FGGY: variants seen among roughly 807,000 people sequenced by gnomAD.
The protein encoded by FGGY is FGGY carbohydrate kinase domain-containing protein.
In FGGY, 72 loss-of-function variants were observed where a neutral mutation model predicts 71.3. The ratio of observed to expected loss-of-function variants is 1.01; its 90% CI spans 0.84 to 1.23. The LOEUF (loss-of-function observed/expected upper bound fraction) is 1.23. FGGY is among the 50% of genes most tolerant of loss of function. The pLI, the probability that FGGY is intolerant of heterozygous loss-of-function variation, is 0.00. For synonymous variants in FGGY, 251 were observed against 250.3 expected, an observed-to-expected ratio of 1.00 and a Z score of -0.02; for missense variants, 668 against 682.3, an observed-to-expected ratio of 0.98 and a Z score of 0.23.
chr1:59,372,033 G>A (rs1435870245), intron 4 of FGGY, among the ~76,000 whole-genome samples: 1 of 152,104 alleles, frequency 6.6e-6, no homozygotes, highest in African/African-American at 2.4e-5. Flanking sequence ...TCAAAAGCTA[G>A]CAGAAGGCGA....
chr1:59,695,349 G>A (rs2097647952), intron 14 of FGGY, among the ~76,000 whole-genome samples: 1 of 152,186 alleles, frequency 6.6e-6, no homozygotes, highest in African/African-American at 2.4e-5. Context: ...GAGTTTCCCA[G>A]GGAAAATAAC....
chr1:59,457,445 A>C (rs1465549800), intron 6 of FGGY, among the ~76,000 whole-genome samples: 1 of 152,166 alleles, frequency 6.6e-6, no homozygotes, highest in Non-Finnish European at 1.5e-5. Flanking sequence ...CCCCATTTCT[A>C]CAAGAAAAAT....
Position 59,489,534 on chromosome 1 carries a change from C to A in FGGY, c.671-22777C>A, listed in dbSNP as rs185017666. Among the ~76,000 whole-genome samples the A allele has an allele frequency of 1.1e-3, 163 of 152,252 alleles. 1 individual carries two copies. Among genetic ancestry groups the A allele is most frequent in the East Asian group, 1.9e-3 (10 of 5,188 alleles). On this transcript the variant is annotated intron_variant, in intron 6 of 15. Coordinates refer to ENST00000303721, the MANE Select transcript of FGGY (RefSeq NM_018291.5). ...TCCTCCATTTCCATCCATATTGCTA[C>A]AAATGACAGGATTTTGTTGTTTTTT...
intron 11 of FGGY, among the ~76,000 whole-genome samples, chr1:59,647,412 G>C (rs528546454): frequency 6.6e-6 from 1 of 152,214 alleles, no homozygotes; most frequent in African/African-American, 2.4e-5. Flanking sequence ...ATGAGGGGCA[G>C]TGTCCATCCA....
Position 59,591,318 on chromosome 1 carries a change from T to G in FGGY, c.904-16485T>G, listed in dbSNP as rs138138944. 6.8e-3 allele frequency among the ~76,000 whole-genome samples: 1,035 copies of G among 152,332 alleles called. 6 individuals carry two copies. Among genetic ancestry groups the G allele is most frequent in the African/African-American group, 0.017 (716 of 41,580 alleles). On this transcript the variant is annotated intron_variant, in intron 8 of 15. Transcript: ENST00000303721. ...TATAAACAAATGGAAGAACATTCCA[T>G]GCTCATGGGTAGGAAGAATCAGTAT...
At position 59,346,148 on chromosome 1, in the gene FGGY, A is replaced by T. The variant is rs540232207; in HGVS notation, c.314-99A>T. ...CACTCTTGATACATAAAATTATAGA[A>T]AGTACATAGCATTTTGATCTTGGGA... On this transcript the variant is annotated intron_variant, in intron 3 of 15. Coordinates refer to ENST00000303721, the MANE Select transcript of FGGY (RefSeq NM_018291.5). 1.1e-5 allele frequency: 16 copies of T among 1,441,936 alleles called. No homozygotes were observed. In the South Asian group the frequency reaches 2.1e-4, roughly 19 times the overall value. 89.3% of individuals were successfully genotyped at this position (1,441,936 alleles called of 1,614,324 possible). A position where few individuals can be genotyped will look rare whatever the true frequency, so the allele number is the denominator to read the frequency against.
intron 8 of FGGY, among the ~76,000 whole-genome samples, chr1:59,577,841 G>A (rs566515395): frequency 2.0e-4 from 31 of 152,122 alleles, no homozygotes; most frequent in Non-Finnish European, 3.2e-4. Context: ...ATGACTCTTC[G>A]TTGCCTGGAG....
chr1:59,297,507 T>C (rs1184955150), intron 1 of FGGY, among the ~76,000 whole-genome samples: 1 of 152,242 alleles, frequency 6.6e-6, no homozygotes, highest in Non-Finnish European at 1.5e-5. Context: ...TTTTCATTTT[T>C]AGCCGTTTCC....
chr1:59,549,421 A>C (rs1209950986), intron 7 of FGGY, among the ~76,000 whole-genome samples: 1 of 152,250 alleles, frequency 6.6e-6, no homozygotes, highest in East Asian at 1.9e-4. Context: ...AGATGCCAAC[A>C]CATCAGACTC....
chr1:59,484,595 G>C (rs2093603458), intron 6 of FGGY, among the ~76,000 whole-genome samples: 1 of 152,076 alleles, frequency 6.6e-6, no homozygotes, highest in Non-Finnish European at 1.5e-5. Flanking sequence ...AAATGCATCA[G>C]TAAATAATGC....
At chr1:59,684,753 C>T (rs76775682) in intron 14 of FGGY, among the ~76,000 whole-genome samples, 13 of 152,272 alleles carry the variant, frequency 8.5e-5, no homozygotes, top group East Asian at 3.9e-4. Context: ...CTGAACCTCA[C>T]GGTGATGCCA....
chr1:59,673,844 A>C (rs1572984223), intron 13 of FGGY, 195 bp from the exon 14 acceptor site: 1 of 551,642 alleles, frequency 1.8e-6, no homozygotes, highest in African/African-American at 1.9e-5. Context: ...TGGCTACTGC[A>C]CCAGCAGGCA....
chr1:59,402,061 A>G (rs1298959044), intron 5 of FGGY, among the ~76,000 whole-genome samples: 1 of 152,232 alleles, frequency 6.6e-6, no homozygotes, highest in Non-Finnish European at 1.5e-5. Flanking sequence ...CTGCAGAGGT[A>G]AATTGTGTGT....
rs1364050048 is a variant in FGGY, at chr1:59,582,405, T to A, written c.904-25398T>A. Among the ~76,000 whole-genome samples, 5 of 150,040 alleles carry A rather than the reference T, an allele frequency of 3.3e-5. 2 individuals are homozygous for A. The highest frequency in any genetic ancestry group is 1.3e-4 in the African/African-American group (5 of 39,724). On this transcript the variant is annotated intron_variant, in intron 8 of 15. Transcript: ENST00000303721. ...TGTCCTTACAGTAATTACTTTTAAA[T>A]CCTTAGCAAGTCTGATTATCCCCTG...
chr1:59,332,202 C>T (rs1244662870), intron 2 of FGGY, among the ~76,000 whole-genome samples: 2 of 152,160 alleles, frequency 1.3e-5, no homozygotes, highest in Admixed American at 1.3e-4. Flanking sequence ...TTTGCTGCCC[C>T]ATAGCTACGA....
rs539119450 is a variant in FGGY at position 59,702,987 on chromosome 1, A to G, written c.1512+28854A>G. Among the ~76,000 whole-genome samples the G allele has an allele frequency of 3.0e-4, 46 of 152,138 alleles. 1 individual carries two copies. The South Asian group carries it at 8.3e-3, about 27-fold the overall frequency. ...CACACTGCTGCTATTCTCCTTCCCC[A>G]CTTTTATCTGTTATTCTAAAGTGAT... is the stretch of plus-strand genomic sequence containing the variant. On this transcript the variant is annotated intron_variant, in intron 14 of 15. Coordinates refer to ENST00000303721, the MANE Select transcript of FGGY (RefSeq NM_018291.5).
chr1:59,399,272 G>T (rs974695987), intron 5 of FGGY, among the ~76,000 whole-genome samples: 5 of 152,164 alleles, frequency 3.3e-5, no homozygotes, highest in Non-Finnish European at 7.4e-5. Context: ...TCCCTTGCTT[G>T]TTGTGTCGTC....
At chr1:59,513,537 A>C (rs1000138751) in intron 7 of FGGY, among the ~76,000 whole-genome samples, 3 of 152,120 alleles carry the variant, frequency 2.0e-5, no homozygotes, top group African/African-American at 7.2e-5. Context: ...TCCATGAAAC[A>C]CTCAGGTGTA....
chr1:59,311,399 C>G (rs112202075), intron 1 of FGGY, among the ~76,000 whole-genome samples: 3 of 152,184 alleles, frequency 2.0e-5, no homozygotes, highest in South Asian at 2.1e-4. Context: ...CTCGTCCCCC[C>G]ACCCCACAAC....
Sources: allele counts gnomAD v4.1 joint callset (sites outside exome capture counted in the v4.1 genomes callset), GRCh38; gene constraint gnomAD v4.1.1; transcripts MANE v1.5; gene names NCBI Gene and HGNC (gene_info 2026-07-23, HGNC 2026-07-21).